AFF3: variants seen among roughly 807,000 people sequenced by gnomAD.
AFF3 encodes ALF transcription elongation factor 3, also known as AF4/FMR2 family member 3.
Under a neutral mutation model 129.7 loss-of-function variants are expected in AFF3, and 32 were observed. That is an observed-to-expected ratio of 0.25 (90% CI 0.19 to 0.33). The LOEUF is 0.33. Among genes scored for constraint, AFF3 ranks in the 10% least tolerant of loss-of-function variants. The probability of loss-of-function intolerance (pLI) is 1.00; values close to 1 mark genes in which losing one functional copy is unlikely to be tolerated. For missense variants in AFF3, 1,373 were observed against 1,592.0 expected (o/e 0.86, Z 2.34); for synonymous variants, 644 against 635.4 (o/e 1.01, Z -0.20).
intron 4 of AFF3, among the ~76,000 whole-genome samples, chr2:100,017,600 C>A (rs1683239920): frequency 6.6e-6 from 1 of 152,138 alleles, no homozygotes; most frequent in African/African-American, 2.4e-5. Flanking sequence ...CCACAGTCAC[C>A]CCAAATAATT....
intron 4 of AFF3, among the ~76,000 whole-genome samples, chr2:100,040,402 G>A (rs1227982443): frequency 6.6e-6 from 1 of 152,156 alleles, no homozygotes; most frequent in African/African-American, 2.4e-5. Context: ...TTACTAATTT[G>A]GCCAATATAC....
At chr2:99,762,360 G>A (rs1682686313) in intron 8 of AFF3, among the ~76,000 whole-genome samples, 1 of 151,978 alleles carries the variant, frequency 6.6e-6, no homozygotes, top group South Asian at 2.1e-4. Context: ...CCTGACCTCA[G>A]GCGATCCACC....
intron 8 of AFF3, among the ~76,000 whole-genome samples, chr2:99,809,736 A>G (rs2105576708): frequency 6.6e-6 from 1 of 152,358 alleles, no homozygotes; most frequent in East Asian, 1.9e-4. Context: ...TTTCCTGATG[A>G]GTCCCACATC....
At chr2:100,010,504 T>C (rs1242036869) in intron 4 of AFF3, among the ~76,000 whole-genome samples, 2 of 152,194 alleles carry the variant, frequency 1.3e-5, no homozygotes, top group Non-Finnish European at 2.9e-5. Flanking sequence ...TGTAAAGATA[T>C]CCAGAACATG....
At chr2:100,112,256 CCTT>C (rs1559132598) in intron 2 of AFF3, 1 of 152,248 alleles carries the variant, frequency 6.6e-6, no homozygotes, top group African/African-American at 2.4e-5. Context: ...AGAAACCCCA[CCTT>C]CTTCTAATTT....
At chr2:99,583,695 AT>A (rs1677807827) in intron 16 of AFF3, among the ~76,000 whole-genome samples, 1 of 150,084 alleles carries the variant, frequency 6.7e-6, no homozygotes, top group Non-Finnish European at 1.5e-5. Flanking sequence ...ACTTCTTTTT[AT>A]TTTTTATTTT....
intron 7 of AFF3, among the ~76,000 whole-genome samples, chr2:99,946,889 T>A (rs1371367225): frequency 6.6e-6 from 1 of 152,192 alleles, no homozygotes; most frequent in Non-Finnish European, 1.5e-5. Context: ...AGTGACTATG[T>A]CTTTCATTTG....
At chr2:100,140,910 C>T (rs994244986) in intron 1 of AFF3, among the ~76,000 whole-genome samples, 2 of 152,256 alleles carry the variant, frequency 1.3e-5, no homozygotes, top group Middle Eastern at 3.4e-3. Flanking sequence ...CACCACCTCC[C>T]ACCTTTCACC....
chr2:99,672,176 TCTCACACACACACACA>T (rs1203925969), intron 12 of AFF3, among the ~76,000 whole-genome samples: 718 of 37,268 alleles, frequency 0.019, 16 homozygotes, highest in African/African-American at 0.067. Context: ...CCAGTTAGCT[TCTCACACACACACACA>T]CACACACACA....
chr2:99,691,283 TAG>T (rs2104664026), intron 11 of AFF3, among the ~76,000 whole-genome samples: 1 of 152,316 alleles, frequency 6.6e-6, no homozygotes, highest in South Asian at 2.1e-4. Context: ...AGGGGATACT[TAG>T]AGTCTCATTT....
At chr2:99,611,313 A>T (rs1041367795) in intron 13 of AFF3, among the ~76,000 whole-genome samples, 2 of 151,938 alleles carry the variant, frequency 1.3e-5, no homozygotes, top group Non-Finnish European at 2.9e-5. Flanking sequence ...GCATCTGTGG[A>T]TTGTCTTTTC....
Position 100,016,709 on chromosome 2 carries a change from G to T in AFF3, c.54-7777C>A, listed in dbSNP as rs565096977. 2.7e-3 allele frequency among the ~76,000 whole-genome samples: 404 copies of T among 151,458 alleles called. 5 individuals carry two copies. Among genetic ancestry groups the T allele is most frequent in the African/African-American group, 9.2e-3 (378 of 41,134 alleles). Reference sequence around the variant, plus strand: ...TGATGGTGGTGGTGGCGGTAGTGGCGGTGATGGTGGTAGCGATGGTGATAG... The same window carrying T: ...TGATGGTGGTGGTGGCGGTAGTGGCTGTGATGGTGGTAGCGATGGTGATAG... On this transcript the variant is annotated intron_variant, in intron 4 of 24. Coordinates refer to ENST00000672756, the MANE Select transcript of AFF3 (RefSeq NM_001386135.1).
intron 8 of AFF3, among the ~76,000 whole-genome samples, chr2:99,793,242 G>A (rs150529831): frequency 2.8e-4 from 42 of 152,216 alleles, no homozygotes; most frequent in Non-Finnish European, 3.1e-4. Context: ...AATGTGACAC[G>A]CCTGCTCCCC....
chr2:99,711,843 A>G (rs1376568663), intron 11 of AFF3, among the ~76,000 whole-genome samples: 1 of 152,216 alleles, frequency 6.6e-6, no homozygotes, highest in African/African-American at 2.4e-5. Flanking sequence ...AATGTCAGGC[A>G]ATATTTATTG....
At chr2:99,658,162 C>T (rs77243858) in intron 12 of AFF3, among the ~76,000 whole-genome samples, 9,367 of 152,198 alleles carry the variant, frequency 0.062, 395 homozygotes, top group East Asian at 0.1. Flanking sequence ...GAGAGGGTGC[C>T]GCAGGGACTG....
intron 7 of AFF3, among the ~76,000 whole-genome samples, chr2:99,929,390 T>C (rs1355249547): frequency 6.6e-6 from 1 of 152,126 alleles, no homozygotes; most frequent in Non-Finnish European, 1.5e-5. Flanking sequence ...TTCAGACTCA[T>C]TACGTTACTT....
chr2:99,991,919 A>C (rs1559038664), intron 7 of AFF3, among the ~76,000 whole-genome samples: 4 of 149,664 alleles, frequency 2.7e-5, no homozygotes, highest in African/African-American at 1.0e-4. Flanking sequence ...AAAAACAAAA[A>C]CAAAAAAACC....
intron 13 of AFF3, among the ~76,000 whole-genome samples, chr2:99,617,026 T>C (rs544118615): frequency 1.3e-5 from 2 of 152,360 alleles, no homozygotes; most frequent in African/African-American, 2.4e-5. Context: ...TTCCATTGTA[T>C]GAATATACCA....
At chr2:99,939,609 C>T (rs758952544) in intron 7 of AFF3, among the ~76,000 whole-genome samples, 18 of 152,160 alleles carry the variant, frequency 1.2e-4, no homozygotes, top group Non-Finnish European at 2.5e-4. Flanking sequence ...AATCCAACTT[C>T]CATACTGCAG....
Sources: allele counts gnomAD v4.1 joint callset (sites outside exome capture counted in the v4.1 genomes callset), GRCh38; gene constraint gnomAD v4.1.1; transcripts MANE v1.5; gene names NCBI Gene and HGNC (gene_info 2026-07-23, HGNC 2026-07-21).